ANXA10: variants seen among roughly 807,000 people sequenced by gnomAD.
The protein encoded by ANXA10 is annexin A10, also known as annexin 14.
ANXA10 carries 49 observed loss-of-function variants against 53.5 expected under a neutral mutation model. That is an observed-to-expected ratio of 0.92 (90% CI 0.73 to 1.16). The LOEUF (loss-of-function observed/expected upper bound fraction) is 1.16. Ranked by LOEUF, ANXA10 falls within the 50% of genes most tolerant of loss-of-function variation. The pLI is 0.00. For missense variants in ANXA10, 393 were observed against 394.4 expected, an observed-to-expected ratio of 1.00 and a Z score of 0.03; for synonymous variants, 131 against 128.9, an observed-to-expected ratio of 1.02 and a Z score of -0.11.
chr4:168,175,190 T>C (rs1348250625), intron 6 of ANXA10, among the ~76,000 whole-genome samples: 1 of 152,042 alleles, frequency 6.6e-6, no homozygotes, highest in Non-Finnish European at 1.5e-5. Flanking sequence ...GGAAGCCAAG[T>C]GATGAAAGTA....
chr4:168,151,344 C>T (rs1056014920), intron 3 of ANXA10, among the ~76,000 whole-genome samples: 9 of 151,936 alleles, frequency 5.9e-5, no homozygotes, highest in Admixed American at 1.3e-4. Flanking sequence ...TATTTCTTGC[C>T]CCTGTTTATC....
intron 8 of ANXA10, 59 bp downstream of exon 8, chr4:168,178,042 T>C: frequency 6.7e-7 from 1 of 1,484,266 alleles, no homozygotes; most frequent in Middle Eastern, 2.4e-4. Flanking sequence ...AAAAAGAAGG[T>C]GGTTAACTAG....
At chr4:168,106,972 T>C (rs1194380576) in intron 1 of ANXA10, among the ~76,000 whole-genome samples, 2 of 152,166 alleles carry the variant, frequency 1.3e-5, no homozygotes, top group Non-Finnish European at 2.9e-5. Flanking sequence ...TCCCATGAGA[T>C]GCCTCAAAGA....
At chr4:168,132,408 G>A (rs983563989) in intron 2 of ANXA10, among the ~76,000 whole-genome samples, 3 of 151,954 alleles carry the variant, frequency 2.0e-5, no homozygotes, top group Non-Finnish European at 4.4e-5. Context: ...ACTTATTTAC[G>A]AGATCTAAAA....
At chr4:168,151,961 C>G (rs1731504889) in intron 3 of ANXA10, among the ~76,000 whole-genome samples, 1 of 152,166 alleles carries the variant, frequency 6.6e-6, no homozygotes, top group South Asian at 2.1e-4. Context: ...TACAAGTAGT[C>G]CTCATTCACT....
rs191646955 is a variant in ANXA10, at chr4:168,132,925, T to A, written c.100+4760T>A. 7.2e-5 allele frequency among the ~76,000 whole-genome samples: 11 copies of A among 152,268 alleles called. No individual in the cohort carries two copies. In the East Asian group the frequency reaches 1.9e-3, roughly 27 times the overall value. Reference sequence around the variant, plus strand: ...TTATCTACTCACTAAAATTGTTTTATAACCCCCAAATCAATATGCACAGAT... The same window carrying A: ...TTATCTACTCACTAAAATTGTTTTAAAACCCCCAAATCAATATGCACAGAT... On this transcript the variant is annotated intron_variant, in intron 2 of 11. Transcript: ENST00000359299.
At chr4:168,155,698 A>T (rs1731613147) in intron 3 of ANXA10, among the ~76,000 whole-genome samples, 1 of 35,180 alleles carries the variant, frequency 2.8e-5, no homozygotes, top group Non-Finnish European at 4.5e-5. Context: ...TATATAATAT[A>T]TTATAAATAT....
At chr4:168,123,250 A>T (rs1731018597) in intron 1 of ANXA10, among the ~76,000 whole-genome samples, 1 of 151,392 alleles carries the variant, frequency 6.6e-6, no homozygotes, top group African/African-American at 2.4e-5. Flanking sequence ...TTGTTGAAGA[A>T]ATCAGAGCTG....
intron 1 of ANXA10, among the ~76,000 whole-genome samples, chr4:168,113,024 AAAAAAAAAGAAAG>A (rs965362657): frequency 9.2e-5 from 14 of 151,518 alleles, no homozygotes; most frequent in Non-Finnish European, 1.5e-4. Context: ...CTCCATCGGA[AAAAAAAAAGAAAG>A]AAAAAAAAGA....
At chr4:168,158,560 T>A (rs1487873997) in intron 3 of ANXA10, among the ~76,000 whole-genome samples, 2 of 152,162 alleles carry the variant, frequency 1.3e-5, no homozygotes, top group Admixed American at 1.3e-4. Flanking sequence ...GCTTTTCTTT[T>A]TAAGTATATA....
At chr4:168,106,922 T>A (rs1330732022) in intron 1 of ANXA10, among the ~76,000 whole-genome samples, 1 of 152,146 alleles carries the variant, frequency 6.6e-6, no homozygotes, top group Admixed American at 6.6e-5. Flanking sequence ...TAGGATAAAA[T>A]GCATTACATA....
intron 3 of ANXA10, among the ~76,000 whole-genome samples, chr4:168,150,951 A>C (rs1324092089): frequency 1.3e-5 from 2 of 152,156 alleles, no homozygotes; most frequent in Non-Finnish European, 2.9e-5. Context: ...GTTAACTCTT[A>C]GGAAAGAAAG....
At position 168,157,025 on chromosome 4, in the gene ANXA10, G is replaced by A. The variant is rs114620296; in HGVS notation, c.196-5503G>A. On this transcript the variant is annotated intron_variant, in intron 3 of 11. Transcript: ENST00000359299. The stretch of plus-strand genomic sequence containing the variant: ...CATATTTTTTCTAAGGTACACTAGC[G>A]TGGAAAAAATGCTAAAACTACTAAA... Among the ~76,000 whole-genome samples, 278 of 152,066 alleles carry A rather than the reference G, an allele frequency of 1.8e-3. 1 individual carries two copies. Among genetic ancestry groups the A allele is most frequent in the Middle Eastern group, 0.017 (5 of 292 alleles).
intron 6 of ANXA10, among the ~76,000 whole-genome samples, chr4:168,171,691 G>T (rs1419352393): frequency 3.3e-5 from 5 of 152,070 alleles, no homozygotes; most frequent in African/African-American, 1.2e-4. Flanking sequence ...CAACTGAGCT[G>T]GAACACATTC....
intron 1 of ANXA10, among the ~76,000 whole-genome samples, chr4:168,096,976 T>C (rs1414315114): frequency 7.8e-6 from 1 of 127,774 alleles, no homozygotes; most frequent in African/African-American, 2.8e-5. Flanking sequence ...TATGTATGTG[T>C]ATATATACAA....
chr4:168,179,868 G>A (rs896429850), intron 9 of ANXA10, among the ~76,000 whole-genome samples: 2 of 152,122 alleles, frequency 1.3e-5, no homozygotes, highest in African/African-American at 2.4e-5. Flanking sequence ...GGACAAAACG[G>A]GGCGAGTTAT....
intron 1 of ANXA10, among the ~76,000 whole-genome samples, chr4:168,102,730 G>C (rs1302458172): frequency 6.6e-6 from 1 of 150,976 alleles, no homozygotes; most frequent in African/African-American, 2.4e-5. Flanking sequence ...AACATATCAA[G>C]TTAAAGTTTT....
chr4:168,161,623 G>T (rs1192605706), intron 3 of ANXA10, among the ~76,000 whole-genome samples: 2 of 152,050 alleles, frequency 1.3e-5, no homozygotes, highest in African/African-American at 2.4e-5. Context: ...GTTTAATGGG[G>T]ATAGCATTGA....
chr4:168,135,972 C>T (rs1292105436), intron 2 of ANXA10, among the ~76,000 whole-genome samples: 3 of 152,100 alleles, frequency 2.0e-5, no homozygotes, highest in Non-Finnish European at 4.4e-5. Context: ...CCTCAGGAAA[C>T]TTACAATCAT....
Sources: allele counts gnomAD v4.1 joint callset (sites outside exome capture counted in the v4.1 genomes callset), GRCh38; gene constraint gnomAD v4.1.1; transcripts MANE v1.5; gene names NCBI Gene and HGNC (gene_info 2026-07-23, HGNC 2026-07-21).